MBNL1: variants seen among roughly 807,000 people sequenced by gnomAD.
MBNL1 encodes the protein muscleblind-like protein 1.
Under a neutral mutation model 42.2 loss-of-function variants are expected in MBNL1, and 8 were observed. The observed-to-expected ratio is 0.19, with a 90% confidence interval of 0.11 to 0.34. The LOEUF (loss-of-function observed/expected upper bound fraction) is 0.34. MBNL1 is among the 10% of genes least tolerant of loss of function. The pLI, the probability that MBNL1 is intolerant of heterozygous loss-of-function variation, is 1.00. For missense variants in MBNL1, 309 were observed against 495.3 expected (o/e 0.62, Z 3.57); for synonymous variants, 169 against 173.9 (o/e 0.97, Z 0.22).
rs114920687 is a variant in MBNL1 at position 152,306,466 on chromosome 3, G to T, written c.174+6099G>T. Among the ~76,000 whole-genome samples the T allele has an allele frequency of 5.3e-4, 80 of 152,248 alleles. 1 individual carries two copies. Among genetic ancestry groups the T allele is most frequent in the African/African-American group, 1.8e-3 (73 of 41,546 alleles). ...CATCATATCCTTAGTCTAGCAGGAC[G>T]CAGAAAAGGCAAGACACCATAACTC... On this transcript the variant is annotated intron_variant, in intron 2 of 9. Coordinates refer to ENST00000324210, the MANE Select transcript of MBNL1 (RefSeq NM_021038.5).
At chr3:152,454,394 G>A (rs926437959) in intron 6 of MBNL1, among the ~76,000 whole-genome samples, 8 of 152,074 alleles carry the variant, frequency 5.3e-5, no homozygotes, top group East Asian at 1.9e-4. Context: ...ACAAATGTTC[G>A]TCCCAGATGC....
At chr3:152,319,281 C>T (rs1167270079) in intron 2 of MBNL1, among the ~76,000 whole-genome samples, 1 of 152,036 alleles carries the variant, frequency 6.6e-6, no homozygotes, top group African/African-American at 2.4e-5. Flanking sequence ...TGTCACTTTC[C>T]ACATTGAACT....
intron 1 of MBNL1, among the ~76,000 whole-genome samples, chr3:152,278,132 G>A (rs1430701395): frequency 1.3e-5 from 2 of 152,066 alleles, no homozygotes; most frequent in South Asian, 2.1e-4. Context: ...CTAAGATTAA[G>A]TAGTATTGGA....
intron 2 of MBNL1, among the ~76,000 whole-genome samples, chr3:152,355,006 T>C (rs1434765204): frequency 6.6e-6 from 1 of 152,202 alleles, no homozygotes; most frequent in Non-Finnish European, 1.5e-5. Flanking sequence ...TTACCAAACT[T>C]GGGTACTACT....
intron 2 of MBNL1, among the ~76,000 whole-genome samples, chr3:152,306,087 T>A (rs1428546767): frequency 1.3e-5 from 2 of 152,258 alleles, no homozygotes; most frequent in Non-Finnish European, 2.9e-5. Flanking sequence ...TGGCCATCTC[T>A]GACCATTACA....
chr3:152,339,425 C>G (rs1009150635), intron 2 of MBNL1, among the ~76,000 whole-genome samples: 7 of 151,940 alleles, frequency 4.6e-5, no homozygotes, highest in Admixed American at 1.3e-4. Context: ...TACAAAACAC[C>G]TCTTCAGTGT....
At chr3:152,427,693 CTTGA>C (rs1434190953) in intron 3 of MBNL1, among the ~76,000 whole-genome samples, 1 of 151,278 alleles carries the variant, frequency 6.6e-6, no homozygotes, top group Non-Finnish European at 1.5e-5. Context: ...TTTCATATAC[CTTGA>C]TTATGTGTGC....
chr3:152,363,008 G>A (rs1271815140), intron 2 of MBNL1, among the ~76,000 whole-genome samples: 1 of 151,924 alleles, frequency 6.6e-6, no homozygotes, highest in Non-Finnish European at 1.5e-5. Flanking sequence ...AATTAAGATA[G>A]GCAGGAAACT....
rs1559953103 is a variant in MBNL1 at position 152,269,068 on chromosome 3, CGCCTCT to C, written c.-812_-807del. 1 of 452,070 alleles carries C rather than the reference CGCCTCT, an allele frequency of 2.2e-6. No individual in the cohort carries two copies. 28.0% of individuals were successfully genotyped at this position (452,070 alleles called of 1,614,324 possible). A position where few individuals can be genotyped will look rare whatever the true frequency, so the allele number is the denominator to read the frequency against. On this transcript the variant is annotated 5_prime_UTR_variant, in exon 1 of 10. The change abolishes the stop of an existing upstream ORF in the 5' untranslated region. Coordinates refer to ENST00000324210, the MANE Select transcript of MBNL1 (RefSeq NM_021038.5). Reference sequence around the variant, plus strand: ...TTGGGCACTTGGTCGACAGTGGGGCCGCCTCTGAAAAAAAAATGTGAGAGGTAAGTT... The same window carrying C: ...TTGGGCACTTGGTCGACAGTGGGGCCGAAAAAAAAATGTGAGAGGTAAGTT...
intron 4 of MBNL1, among the ~76,000 whole-genome samples, chr3:152,438,824 C>T (rs2099111726): frequency 6.6e-6 from 1 of 152,080 alleles, no homozygotes. Context: ...AATCTGTCTC[C>T]TCAGATAAGT....
At chr3:152,391,768 T>G (rs2097725540) in intron 2 of MBNL1, among the ~76,000 whole-genome samples, 1 of 152,206 alleles carries the variant, frequency 6.6e-6, no homozygotes, top group African/African-American at 2.4e-5. Context: ...AAAAGGCAAC[T>G]TTGATTAGTA....
intron 2 of MBNL1, chr3:152,340,977 G>A: frequency 1.3e-6 from 2 of 1,484,598 alleles, no homozygotes; most frequent in East Asian, 2.3e-5. Flanking sequence ...TGAAGGTCTG[G>A]GTAAATTGAT....
At chr3:152,273,322 T>TA (rs1277599245) in intron 1 of MBNL1, among the ~76,000 whole-genome samples, 1 of 152,124 alleles carries the variant, frequency 6.6e-6, no homozygotes, top group Non-Finnish European at 1.5e-5. Context: ...TTTCATATTA[T>TA]AAAAAATAAA....
intron 2 of MBNL1, among the ~76,000 whole-genome samples, chr3:152,380,255 A>G (rs556655044): frequency 6.6e-6 from 1 of 152,248 alleles, no homozygotes; most frequent in Admixed American, 6.5e-5. Context: ...GTTGTAGAAC[A>G]TATTGAATAC....
intron 2 of MBNL1, among the ~76,000 whole-genome samples, chr3:152,378,753 G>A (rs756316029): frequency 4.6e-5 from 7 of 152,088 alleles, no homozygotes; most frequent in African/African-American, 1.4e-4. Flanking sequence ...GTCTTGCCCT[G>A]CTGCCCAGGG....
At chr3:152,339,197 G>A (rs2092367709) in intron 2 of MBNL1, among the ~76,000 whole-genome samples, 1 of 151,954 alleles carries the variant, frequency 6.6e-6, no homozygotes, top group Non-Finnish European at 1.5e-5. Flanking sequence ...ACTGTCCTTT[G>A]TCAAAAGTTA....
intron 2 of MBNL1, among the ~76,000 whole-genome samples, chr3:152,330,863 C>T (rs2083913988): frequency 6.6e-6 from 1 of 152,042 alleles, no homozygotes; most frequent in Non-Finnish European, 1.5e-5. Context: ...GGGGTTGTTA[C>T]TGTCCATGGT....
intron 3 of MBNL1, among the ~76,000 whole-genome samples, chr3:152,430,190 T>G (rs60927571): frequency 0.015 from 2,236 of 152,306 alleles, 49 homozygotes; most frequent in African/African-American, 0.051. Flanking sequence ...CCAGTGTATT[T>G]TATTTGACGA....
chr3:152,288,910 T>C (rs1001287430), intron 1 of MBNL1, among the ~76,000 whole-genome samples: 3 of 152,194 alleles, frequency 2.0e-5, no homozygotes, highest in African/African-American at 7.2e-5. Flanking sequence ...GAAAATATTT[T>C]GGAAAAATAC....
Sources: allele counts gnomAD v4.1 joint callset (sites outside exome capture counted in the v4.1 genomes callset), GRCh38; gene constraint gnomAD v4.1.1; transcripts MANE v1.5; gene names NCBI Gene and HGNC (gene_info 2026-07-23, HGNC 2026-07-21).